The following TMEM116 variants were observed in gnomAD, a reference collection of about 807,000 sequenced individuals.
TMEM116 encodes the protein transmembrane protein 116.
Under a neutral mutation model 44.3 loss-of-function variants are expected in TMEM116, and 38 were observed. The ratio of observed to expected loss-of-function variants is 0.86; its 90% CI spans 0.66 to 1.12. TMEM116 has a LOEUF of 1.12. Among genes scored for constraint, TMEM116 ranks in the 50% most tolerant of loss-of-function variants. TMEM116 has a pLI of 0.00. For synonymous variants in TMEM116, 132 were observed against 144.8 expected, an observed-to-expected ratio of 0.91 and a Z score of 0.64; for missense variants, 354 against 401.7, an observed-to-expected ratio of 0.88 and a Z score of 1.01.
At chr12:111,943,933 T>C (rs1465674863) in intron 4 of TMEM116, among the ~76,000 whole-genome samples, 2 of 152,180 alleles carry the variant, frequency 1.3e-5, no homozygotes, top group Non-Finnish European at 2.9e-5. Flanking sequence ...TATCCACCTC[T>C]ACCTGCCCCA....
chr12:111,971,132 TCACC>T (rs1676731788), intron 4 of TMEM116, among the ~76,000 whole-genome samples: 1 of 152,046 alleles, frequency 6.6e-6, no homozygotes, highest in Non-Finnish European at 1.5e-5. Flanking sequence ...GAAACCAGAC[TCACC>T]CTACAAGAAA....
chr12:111,940,266 C>G (rs1254985308), intron 5 of TMEM116, among the ~76,000 whole-genome samples: 1 of 151,524 alleles, frequency 6.6e-6, no homozygotes, highest in Non-Finnish European at 1.5e-5. Context: ...GAGTGAGACT[C>G]TGTCTCAAAA....
intron 4 of TMEM116, among the ~76,000 whole-genome samples, chr12:111,979,581 C>A (rs1482553801): frequency 6.6e-6 from 1 of 152,150 alleles, no homozygotes. Context: ...ATGCTAAATG[C>A]TGCTCAATTG....
chr12:111,932,996 T>C (rs1756443121), intron 9 of TMEM116, among the ~76,000 whole-genome samples: 1 of 152,204 alleles, frequency 6.6e-6, no homozygotes, highest in African/African-American at 2.4e-5. Context: ...ATCCCAGCAC[T>C]TTGGGAGGCC....
chr12:111,938,490 G>C (rs2072368774), intron 5 of TMEM116, among the ~76,000 whole-genome samples: 1 of 152,100 alleles, frequency 6.6e-6, no homozygotes, highest in Non-Finnish European at 1.5e-5. Flanking sequence ...TATGGACTTT[G>C]GGCACTCAAA....
intron 4 of TMEM116, among the ~76,000 whole-genome samples, chr12:111,955,722 C>A (rs2074041718): frequency 6.6e-6 from 1 of 152,190 alleles, no homozygotes; most frequent in South Asian, 2.1e-4. Context: ...CAGCAGACCG[C>A]ATATAAGACA....
At chr12:112,011,836 CCA>C (rs373874990) in intron 1 of TMEM116, 35 of 152,276 alleles carry the variant, frequency 2.3e-4, no homozygotes, top group African/African-American at 8.4e-4. Context: ...GTACCTGGGA[CCA>C]CAGGCATGCA....
intron 4 of TMEM116, among the ~76,000 whole-genome samples, chr12:111,957,476 C>T (rs894351775): frequency 2.0e-5 from 3 of 151,894 alleles, no homozygotes; most frequent in African/African-American, 7.2e-5. Context: ...GCCCGGCAGC[C>T]GCCCCGTCCA....
At chr12:111,991,186 T>C (rs556487488) in intron 4 of TMEM116, among the ~76,000 whole-genome samples, 79 of 117,766 alleles carry the variant, frequency 6.7e-4, no homozygotes, top group Non-Finnish European at 1.1e-3. Flanking sequence ...GCCACTGCAC[T>C]CCAGTCTGGC....
chr12:111,959,960 G>A (rs1565903224), intron 4 of TMEM116, among the ~76,000 whole-genome samples: 1 of 152,060 alleles, frequency 6.6e-6, no homozygotes, highest in Non-Finnish European at 1.5e-5. Flanking sequence ...AAATTAACAA[G>A]GATATTCAGG....
At chr12:112,007,306 C>T (rs1456564439) in intron 1 of TMEM116, among the ~76,000 whole-genome samples, 1 of 152,046 alleles carries the variant, frequency 6.6e-6, no homozygotes, top group Non-Finnish European at 1.5e-5. Context: ...CCCAGCTACT[C>T]GGGAGGCTGA....
chr12:111,980,479 T>C (rs892735113), intron 4 of TMEM116, among the ~76,000 whole-genome samples: 2 of 152,172 alleles, frequency 1.3e-5, no homozygotes, highest in African/African-American at 4.8e-5. Flanking sequence ...TGGATGATAC[T>C]ATAATGGTGG....
At chr12:111,940,480 TAC>T (rs145433427) in intron 5 of TMEM116, among the ~76,000 whole-genome samples, 38 of 128,922 alleles carry the variant, frequency 2.9e-4, no homozygotes, top group Admixed American at 9.7e-4. Context: ...TATATATACA[TAC>T]ACACACACAC....
intron 4 of TMEM116, among the ~76,000 whole-genome samples, chr12:111,967,969 T>C (rs1488452760): frequency 6.6e-6 from 1 of 152,122 alleles, no homozygotes; most frequent in Non-Finnish European, 1.5e-5. Context: ...AAATGGAAAC[T>C]GAGGGAGGCC....
chr12:111,943,162 A>C, intron 5 of TMEM116, 103 bp downstream of exon 5: 1 of 885,916 alleles, frequency 1.1e-6, no homozygotes, highest in Non-Finnish European at 1.8e-6. Context: ...GGGCATAAGC[A>C]ATCTGCCCCC....
chr12:111,936,882 C>G, intron 7 of TMEM116, 52 bp from the exon 8 acceptor site: 1 of 1,521,850 alleles, frequency 6.6e-7, no homozygotes, highest in South Asian at 1.3e-5. Flanking sequence ...AAGAAAAGAG[C>G]TGCTCAACAA....
chr12:111,964,215 C>T (rs894481094), intron 4 of TMEM116, among the ~76,000 whole-genome samples: 7 of 150,220 alleles, frequency 4.7e-5, no homozygotes, highest in African/African-American at 7.3e-5. Flanking sequence ...CTGAGGTGGG[C>T]GGATCACAAG....
At chr12:111,973,091 T>C (rs1265784495) in intron 4 of TMEM116, among the ~76,000 whole-genome samples, 1 of 152,062 alleles carries the variant, frequency 6.6e-6, no homozygotes, top group African/African-American at 2.4e-5. Flanking sequence ...TGAGCTGAGA[T>C]TGCACCACTG....
chr12:111,948,500 T>C (rs984370159), intron 4 of TMEM116, among the ~76,000 whole-genome samples: 1 of 152,120 alleles, frequency 6.6e-6, no homozygotes, highest in African/African-American at 2.4e-5. Context: ...TGATCAATAG[T>C]AGGTAGTCAG....
Sources: allele counts gnomAD v4.1 joint callset (sites outside exome capture counted in the v4.1 genomes callset), GRCh38; gene constraint gnomAD v4.1.1; transcripts MANE v1.5; gene names NCBI Gene and HGNC (gene_info 2026-07-23, HGNC 2026-07-21).